Variants in RBM47 observed in about 807,000 individuals in gnomAD.
RBM47 encodes the protein RNA-binding protein 47.
RBM47 carries 21 observed loss-of-function variants against 47.1 expected under a neutral mutation model. The ratio of observed to expected loss-of-function variants is 0.45; its 90% CI spans 0.32 to 0.64. The LOEUF is 0.64. RBM47 is among the 30% of genes least tolerant of loss of function. RBM47 has a pLI of 0.05. For synonymous variants in RBM47, 375 were observed against 361.7 expected, an observed-to-expected ratio of 1.04 and a Z score of -0.42; for missense variants, 708 against 870.9, an observed-to-expected ratio of 0.81 and a Z score of 2.35.
chr4:40,619,498 C>G (rs1737058046), intron 1 of RBM47, among the ~76,000 whole-genome samples: 1 of 152,164 alleles, frequency 6.6e-6, no homozygotes, highest in Non-Finnish European at 1.5e-5. Flanking sequence ...TTTAGTGACC[C>G]ACATGCTCTG....
At chr4:40,459,594 A>T (rs574716503) in intron 3 of RBM47, among the ~76,000 whole-genome samples, 35 of 152,276 alleles carry the variant, frequency 2.3e-4, no homozygotes, top group African/African-American at 7.5e-4. Context: ...AAAATAATTT[A>T]AAAAAACTTT....
At chr4:40,510,628 G>C (rs1030615920) in intron 2 of RBM47, among the ~76,000 whole-genome samples, 8 of 152,134 alleles carry the variant, frequency 5.3e-5, no homozygotes, top group Admixed American at 4.6e-4. Context: ...ATCCCAGAGT[G>C]AGCCATTAGT....
chr4:40,465,098 G>A (rs1302601765), intron 3 of RBM47, among the ~76,000 whole-genome samples: 1 of 151,914 alleles, frequency 6.6e-6, no homozygotes, highest in African/African-American at 2.4e-5. Context: ...TTTGCTCTCT[G>A]AGTCCCTGAA....
intron 3 of RBM47, among the ~76,000 whole-genome samples, chr4:40,449,625 A>C (rs1377437129): frequency 6.6e-6 from 1 of 152,094 alleles, no homozygotes; most frequent in Non-Finnish European, 1.5e-5. Flanking sequence ...TGGAGTGGGG[A>C]GATTTTCTGC....
At chr4:40,478,139 C>T (rs1049859740) in intron 2 of RBM47, among the ~76,000 whole-genome samples, 2 of 151,734 alleles carry the variant, frequency 1.3e-5, no homozygotes, top group Admixed American at 6.6e-5. Context: ...CCTCAGCCTC[C>T]CGAGTAGCTG....
intron 3 of RBM47, chr4:40,455,602 A>C (rs2154220340): frequency 6.6e-6 from 1 of 152,300 alleles, no homozygotes; most frequent in Middle Eastern, 3.4e-3. Context: ...GTCTCTACAA[A>C]AAATACAAAA....
At position 40,438,713 on chromosome 4, in the gene RBM47, C is replaced by T. The variant is rs750450057; in HGVS notation, c.181G>A (p.Gly61Ser). Residue 61 changes from glycine (G) to serine (S), a missense_variant, in exon 4 of 7, where the codon GGC becomes AGC. By Grantham distance (56) the Gly-to-Ser change is moderately conservative (BLOSUM62 0). Transcript: ENST00000295971. Reference sequence around the variant, plus strand: ...CGCTGCGGGTGCGGGCCCTCCCAGCCGGGCGGTGGGCCGCCGTACTTGCGC... The same window carrying T: ...CGCTGCGGGTGCGGGCCCTCCCAGCTGGGCGGTGGGCCGCCGTACTTGCGC... ...GQRKYGGPPPGWEGPHPQRGC... is the reference protein window; with the variant it reads ...GQRKYGGPPPSWEGPHPQRGC... 5 of 1,608,714 alleles carry T rather than the reference C, an allele frequency of 3.1e-6. No homozygotes were observed. Among genetic ancestry groups the T allele is most frequent in the South Asian group, 1.1e-5 (1 of 90,858 alleles).
rs75340643 is a variant in RBM47 at position 40,426,499 on chromosome 4, G to A, written c.1543-356C>T. ...GCTCGAGTCCCTGAGAGAAAATGGCGTATTTGCATTTAACCTATGCACATC... is the reference window on the plus strand; with the variant it reads ...GCTCGAGTCCCTGAGAGAAAATGGCATATTTGCATTTAACCTATGCACATC... On this transcript the variant is annotated intron_variant, in intron 6 of 6. Transcript: ENST00000295971. 4.0e-4 allele frequency among the ~76,000 whole-genome samples: 61 copies of A among 152,254 alleles called. 1 individual carries two copies. In the East Asian group the frequency reaches 0.011, roughly 27 times the overall value.
intron 1 of RBM47, among the ~76,000 whole-genome samples, chr4:40,591,846 C>G (rs770566704): frequency 6.6e-6 from 1 of 152,228 alleles, no homozygotes; most frequent in South Asian, 2.1e-4. Context: ...AGGACACGTA[C>G]AAGTGAAGAC....
intron 1 of RBM47, among the ~76,000 whole-genome samples, chr4:40,567,489 C>T (rs1731209368): frequency 6.6e-6 from 1 of 152,018 alleles, no homozygotes; most frequent in Admixed American, 6.6e-5. Context: ...AAAGCCCAGC[C>T]ATGACTTCAA....
At chr4:40,518,158 C>CTTTTTTTTTTT (rs530465415) in intron 2 of RBM47, among the ~76,000 whole-genome samples, 1 of 70,682 alleles carries the variant, frequency 1.4e-5, no homozygotes, top group Non-Finnish European at 2.5e-5. Flanking sequence ...CTTTTCTTTT[C>CTTTTTTTTTTT]TTTTTTTTTT....
chr4:40,582,962 C>G (rs1343230280), intron 1 of RBM47, among the ~76,000 whole-genome samples: 1 of 152,146 alleles, frequency 6.6e-6, no homozygotes, highest in Non-Finnish European at 1.5e-5. Flanking sequence ...TGAATAAGCA[C>G]CTCGAAGGCA....
intron 6 of RBM47, among the ~76,000 whole-genome samples, chr4:40,426,574 A>G (rs1715079304): frequency 6.6e-6 from 1 of 152,106 alleles, no homozygotes; most frequent in African/African-American, 2.4e-5. Flanking sequence ...AGGTCTCACT[A>G]TGTTGCCCAG....
chr4:40,619,129 C>A (rs945865433), intron 1 of RBM47, among the ~76,000 whole-genome samples: 2 of 152,046 alleles, frequency 1.3e-5, no homozygotes, highest in Non-Finnish European at 2.9e-5. Flanking sequence ...ACACCAACAC[C>A]CCCAAAAATC....
chr4:40,559,617 A>T (rs368691358), intron 1 of RBM47, among the ~76,000 whole-genome samples: 1 of 152,166 alleles, frequency 6.6e-6, no homozygotes, highest in South Asian at 2.1e-4. Context: ...ACCAGGGTAG[A>T]GAAAATCTTG....
At chr4:40,457,379 T>C (rs891353219) in intron 3 of RBM47, among the ~76,000 whole-genome samples, 5 of 142,380 alleles carry the variant, frequency 3.5e-5, no homozygotes, top group African/African-American at 1.3e-4. Flanking sequence ...GCCAAGATAG[T>C]GCCACTGCAC....
At chr4:40,586,689 G>A (rs1204159374) in intron 1 of RBM47, among the ~76,000 whole-genome samples, 2 of 151,222 alleles carry the variant, frequency 1.3e-5, no homozygotes, top group Admixed American at 6.6e-5. Flanking sequence ...TAATTGATGA[G>A]CGCTGGCCAA....
chr4:40,499,917 T>A (rs1232506128), intron 2 of RBM47, among the ~76,000 whole-genome samples: 1 of 152,200 alleles, frequency 6.6e-6, no homozygotes, highest in Non-Finnish European at 1.5e-5. Flanking sequence ...CTCTATAAAC[T>A]TTTTTTAGCA....
intron 2 of RBM47, among the ~76,000 whole-genome samples, chr4:40,537,725 C>T (rs1728120740): frequency 6.6e-6 from 1 of 152,136 alleles, no homozygotes; most frequent in Admixed American, 6.6e-5. Flanking sequence ...CAGATCTCAG[C>T]AACATCTTAG....
Sources: allele counts gnomAD v4.1 joint callset (sites outside exome capture counted in the v4.1 genomes callset), GRCh38; gene constraint gnomAD v4.1.1; transcripts MANE v1.5; gene names NCBI Gene and HGNC (gene_info 2026-07-23, HGNC 2026-07-21).